The following UACA variants were observed in gnomAD, a reference collection of about 807,000 sequenced individuals.
UACA encodes uveal autoantigen with coiled-coil domains and ankyrin repeats.
A neutral mutation model predicts 160.5 loss-of-function variants in UACA; 112 were observed. The observed-to-expected ratio is 0.70, with a 90% CI of 0.60 to 0.82. UACA has a LOEUF of 0.82. UACA is among the 40% of genes least tolerant of loss of function. The probability of loss-of-function intolerance (pLI) is 0.00; values close to 1 mark genes in which losing one functional copy is unlikely to be tolerated. For synonymous variants in UACA, 557 were observed against 568.4 expected, an observed-to-expected ratio of 0.98 and a Z score of 0.29; for missense variants, 1,574 against 1,614.6, an observed-to-expected ratio of 0.97 and a Z score of 0.43.
the UACA span, among the ~76,000 whole-genome samples, chr15:70,774,545 C>CAAAAAAAAAAAAAAAAAAAAAAAAAA: frequency 1.5e-3 from 123 of 82,300 alleles, 4 homozygotes; most frequent in African/African-American, 4.8e-3. Context: ...GACTCTGTCT[C>CAAAAAAAAAAAAAAAAAAAAAAAAAA]AAAAAAAAAA....
chr15:70,667,293 G>C lies in UACA; in HGVS notation c.3391C>G (p.Leu1131Val). 1 of 1,611,558 alleles carries C rather than the reference G, an allele frequency of 6.2e-7. No homozygotes were observed. The highest frequency in any genetic ancestry group is 8.5e-7 in the Non-Finnish European group (1 of 1,179,474). The change falls in exon 16 of 19, where the codon CTA becomes GTA. Residue 1131 changes from leucine to valine, a missense_variant. Leu to Val is a conservative substitution (Grantham distance 32). Transcript: ENST00000322954. ...TGCATACTCTTCAGTTCTTCCTTTA[G>C]ATTTTCAATTGTGCCATTAAGAGAT... is the stretch of plus-strand genomic sequence containing the variant. Reference protein sequence around the residue: ...KKSLNGTIENLKEELKSMQRC... With the variant: ...KKSLNGTIENVKEELKSMQRC...
chr15:70,666,597 C>A (rs975419611), intron 16 of UACA, 127 bp downstream of exon 16: 59 of 733,150 alleles, frequency 8.0e-5, no homozygotes, highest in Admixed American at 1.6e-4. Context: ...AATTTTTGCA[C>A]GCAAGTTGCT....
chr15:70,728,284 C>G (rs1040654082), intron 1 of UACA, among the ~76,000 whole-genome samples: 1 of 152,098 alleles, frequency 6.6e-6, no homozygotes, highest in African/African-American at 2.4e-5. Context: ...ATAGAAGAGG[C>G]CAGGCGCAGC....
chr15:70,745,384 G>C (rs761196188), intron 1 of UACA, among the ~76,000 whole-genome samples: 4 of 150,826 alleles, frequency 2.7e-5, no homozygotes, highest in Non-Finnish European at 5.9e-5. Context: ...GCAGTGAGCC[G>C]AGATCGTGCG....
intron 3 of UACA, among the ~76,000 whole-genome samples, chr15:70,694,640 G>A (rs1392296966): frequency 6.6e-6 from 1 of 152,094 alleles, no homozygotes; most frequent in Admixed American, 6.6e-5. Context: ...AGCTATTCTT[G>A]TTATTATTGT....
intron 7 of UACA, among the ~76,000 whole-genome samples, chr15:70,684,735 A>G (rs576072104): frequency 3.2e-3 from 483 of 152,234 alleles, no homozygotes; most frequent in Admixed American, 5.4e-3. Flanking sequence ...TTGAACACTT[A>G]CTTGAACACT....
intron 1 of UACA, among the ~76,000 whole-genome samples, chr15:70,736,359 A>G (rs1899365809): frequency 6.6e-6 from 1 of 152,196 alleles, no homozygotes; most frequent in Admixed American, 6.5e-5. Context: ...CTACTCTAAA[A>G]ATTATATTTT....
intron 1 of UACA, among the ~76,000 whole-genome samples, chr15:70,753,233 C>G (rs1352659288): frequency 3.9e-5 from 6 of 152,118 alleles, no homozygotes; most frequent in Non-Finnish European, 7.4e-5. Context: ...CCAATAAGCA[C>G]AGAAATATGT....
At chr15:70,685,053 T>C (rs1897661523) in intron 7 of UACA, among the ~76,000 whole-genome samples, 1 of 152,004 alleles carries the variant, frequency 6.6e-6, no homozygotes. Flanking sequence ...AAGAATCCCT[T>C]CTCCTCCAAG....
At chr15:70,699,167 C>T (rs910179578) in intron 2 of UACA, among the ~76,000 whole-genome samples, 1 of 152,106 alleles carries the variant, frequency 6.6e-6, no homozygotes, top group Non-Finnish European at 1.5e-5. Flanking sequence ...TGAAATGAGA[C>T]CAAAGTATTT....
chr15:70,696,386 A>T (rs1007235451), intron 2 of UACA, among the ~76,000 whole-genome samples: 1 of 152,320 alleles, frequency 6.6e-6, no homozygotes, highest in South Asian at 2.1e-4. Flanking sequence ...CCCCGAACCA[A>T]TAACAGTGCC....
chr15:70,717,819 T>C (rs1898864402), intron 1 of UACA, among the ~76,000 whole-genome samples: 1 of 152,174 alleles, frequency 6.6e-6, no homozygotes, highest in African/African-American at 2.4e-5. Context: ...GATTAACATC[T>C]ATAATCAGTT....
At chr15:70,744,248 CAAAAAAAA>C (rs5813608) in intron 1 of UACA, among the ~76,000 whole-genome samples, 3 of 64,732 alleles carry the variant, frequency 4.6e-5, no homozygotes, top group Admixed American at 1.9e-4. Flanking sequence ...GACTCTGTCT[CAAAAAAAA>C]AAAAAAAAAA....
Position 70,729,847 on chromosome 15 carries a change from C to T in UACA, c.79-30187G>A, listed in dbSNP as rs1325479262. 2.5e-4 allele frequency among the ~76,000 whole-genome samples: 32 copies of T among 130,416 alleles called. 1 individual carries two copies. In the South Asian group the frequency reaches 6.7e-3, roughly 27 times the overall value. The allele number at this position is 130,416 out of a possible 152,430, so 85.6% of individuals were successfully genotyped here. A position where few individuals can be genotyped will look rare whatever the true frequency, so the allele number is the denominator to read the frequency against. On this transcript the variant is annotated intron_variant, in intron 1 of 18. Coordinates refer to ENST00000322954, the MANE Select transcript of UACA (RefSeq NM_018003.4). ...GGGTCCCTGACTCCTGACCCCCGAG[C>T]AGCCTAACTGGGAGGCACCCCCCAG...
chr15:70,660,501 T>C (rs1212639259), intron 17 of UACA: 3 of 360,170 alleles, frequency 8.3e-6, no homozygotes, highest in African/African-American at 6.4e-5. Flanking sequence ...AAGACACTTA[T>C]CACATGTCTG....
At chr15:70,681,923 C>T (rs1897523175) in intron 9 of UACA, 1 of 152,086 alleles carries the variant, frequency 6.6e-6, no homozygotes, top group Non-Finnish European at 1.5e-5. Flanking sequence ...GTGAGAGGTA[C>T]AAAAATGACA....
chr15:70,728,563 C>CAAAAA (rs1213851064), intron 1 of UACA, among the ~76,000 whole-genome samples: 2 of 87,740 alleles, frequency 2.3e-5, no homozygotes, highest in African/African-American at 7.9e-5. Flanking sequence ...AACCCCATCT[C>CAAAAA]AAAAAAAAAA....
intron 1 of UACA, among the ~76,000 whole-genome samples, chr15:70,718,250 CGGGGGGGAGGGAGGGGGAG>C (rs1300274816): frequency 1.2e-4 from 1 of 8,626 alleles, no homozygotes; most frequent in Non-Finnish European, 2.4e-4. Context: ...GACAGAGGAA[CGGGGGGGAGGGAGGGGGAG>C]GAGGGGGAGA....
Position 70,695,006 on chromosome 15 carries a change from G to A in UACA, c.301+11C>T, listed in dbSNP as rs1235873633. 10 of 1,594,048 alleles carry A rather than the reference G, an allele frequency of 6.3e-6. No homozygotes were observed. The highest frequency in any genetic ancestry group is 8.6e-6 in the Non-Finnish European group (10 of 1,165,290). On this transcript the variant is annotated intron_variant, in intron 3 of 18. Transcript: ENST00000322954. ...TTTATGTTTTATAATTAACTATGGA[G>A]GCAAACATACCTGCAGTGTCACTGG...
Sources: gnomAD v4.1 joint callset for allele counts (sites outside exome capture counted in the v4.1 genomes callset) on GRCh38, gnomAD v4.1.1 for gene constraint, MANE v1.5 for transcripts, NCBI Gene and HGNC (gene_info 2026-07-23, HGNC 2026-07-21) for gene names.